SRL: variants seen among roughly 807,000 people sequenced by gnomAD.
SRL encodes the protein sarcalumenin.
In SRL, 23 loss-of-function variants were observed where a neutral mutation model predicts 39.5. The observed-to-expected ratio is 0.58, with a 90% CI of 0.42 to 0.82. The LOEUF is 0.82. SRL is among the 40% of genes least tolerant of loss of function. SRL has a pLI of 0.00. For synonymous variants in SRL, 272 were observed against 237.4 expected (o/e 1.15, Z -1.34); for missense variants, 592 against 607.8 (o/e 0.97, Z 0.27).
intron 1 of SRL, among the ~76,000 whole-genome samples, chr16:4,239,966 C>T (rs1043463593): frequency 6.6e-5 from 10 of 152,132 alleles, no homozygotes; most frequent in African/African-American, 2.4e-4. Context: ...CTGCTCCTTC[C>T]CCGTCCTGGC....
intron 4 of SRL, among the ~76,000 whole-genome samples, chr16:4,197,421 CTTTT>C (rs71139621): frequency 1.9e-5 from 2 of 107,564 alleles, no homozygotes; most frequent in Non-Finnish European, 3.5e-5. Context: ...CTTTTCTTTC[CTTTT>C]TTTTTTTTTT....
rs2052073098 is a variant in SRL, at chr16:4,192,100, CAGTT to C, written c.*49_*52del. On this transcript the variant is annotated 3_prime_UTR_variant, in exon 6 of 6. Coordinates refer to ENST00000399609, the MANE Select transcript of SRL (RefSeq NM_001098814.2). The surrounding 1 kb of genome is among the most constrained non-coding windows in gnomAD (Gnocchi z 4.0). ...GGTTAATAAACCAGGACCTCTCAGA[CAGTT>C]AGGACACAAGCTGATTCACCAACAG... 21 of 1,503,426 alleles carry C rather than the reference CAGTT, an allele frequency of 1.4e-5. No individual in the cohort carries two copies. The highest frequency in any genetic ancestry group is 1.9e-4 in the Middle Eastern group (1 of 5,308). The allele number at this position is 1,503,426 out of a possible 1,614,324, so 93.1% of individuals were successfully genotyped here.
intron 1 of SRL, among the ~76,000 whole-genome samples, chr16:4,213,484 A>G (rs2052420523): frequency 7.8e-6 from 1 of 128,268 alleles, no homozygotes; most frequent in East Asian, 2.2e-4. Flanking sequence ...ATGACACCTC[A>G]CTGCAGCCTC....
chr16:4,240,867 G>A (rs1374341088), intron 1 of SRL, among the ~76,000 whole-genome samples: 1 of 152,120 alleles, frequency 6.6e-6, no homozygotes, highest in Non-Finnish European at 1.5e-5. Context: ...CAGCACTCAA[G>A]CCGCTGCAGC....
chr16:4,219,431 C>G (rs915683291), intron 1 of SRL, among the ~76,000 whole-genome samples: 4 of 152,162 alleles, frequency 2.6e-5, no homozygotes, highest in Admixed American at 2.6e-4. Context: ...TCGGGGCAGC[C>G]ACAGTAGTGT....
intron 4 of SRL, among the ~76,000 whole-genome samples, chr16:4,196,730 C>T (rs533436714): frequency 9.9e-5 from 15 of 152,130 alleles, no homozygotes; most frequent in Admixed American, 6.6e-5. Flanking sequence ...CAACCCACCT[C>T]GGCCTCCCAA....
intron 5 of SRL, among the ~76,000 whole-genome samples, chr16:4,193,886 A>G (rs965338428): frequency 6.6e-6 from 1 of 150,554 alleles, no homozygotes; most frequent in African/African-American, 2.4e-5. Context: ...TAACATTATT[A>G]ACATTACTAA....
chr16:4,194,907 T>G (rs1003279267), intron 5 of SRL, among the ~76,000 whole-genome samples: 1 of 151,992 alleles, frequency 6.6e-6, no homozygotes, highest in Non-Finnish European at 1.5e-5. Flanking sequence ...TCCTTTTTTT[T>G]TTTCTGAGAC....
At chr16:4,207,961 G>A (rs1345709561) in intron 1 of SRL, 1 of 456,466 alleles carries the variant, frequency 2.2e-6, no homozygotes, top group African/African-American at 2.0e-5. Flanking sequence ...TCTGGGTAGT[G>A]AAGGAGCAGT....
rs577295106 is a variant in SRL at position 4,204,443 on chromosome 16, C to T, written c.163+90G>A. On this transcript the variant is annotated intron_variant, in intron 2 of 5. Coordinates refer to ENST00000399609, the MANE Select transcript of SRL (RefSeq NM_001098814.2). ...CGGCCTCCAAGATACAGCCCCGGCA[C>T]GCCCTGGCTCTCAGGAGCCTCCAGG... is the stretch of plus-strand genomic sequence containing the variant. The T allele has an allele frequency of 1.9e-4, 128 of 691,278 alleles. 1 individual carries two copies. The African/African-American group carries it at 2.1e-3, about 11-fold the overall frequency. The allele number at this position is 691,278 out of a possible 1,614,324, so 42.8% of individuals were successfully genotyped here.
intron 1 of SRL, among the ~76,000 whole-genome samples, chr16:4,219,263 G>T (rs529622618): frequency 5.9e-5 from 9 of 152,344 alleles, no homozygotes; most frequent in African/African-American, 1.9e-4. Context: ...TCCCATAGGG[G>T]GCCCAGACAA....
chr16:4,221,576 G>T (rs1303609248), intron 1 of SRL, among the ~76,000 whole-genome samples: 1 of 152,202 alleles, frequency 6.6e-6, no homozygotes, highest in Non-Finnish European at 1.5e-5. Context: ...TAGTGGGCCG[G>T]CCTGGCCAAA....
chr16:4,224,709 G>A (rs1425910469), intron 1 of SRL, among the ~76,000 whole-genome samples: 1 of 149,848 alleles, frequency 6.7e-6, no homozygotes, highest in African/African-American at 2.5e-5. Flanking sequence ...AACAGAGCAA[G>A]ACCCTATCTC....
chr16:4,224,574 G>C (rs1322682696), intron 1 of SRL, among the ~76,000 whole-genome samples: 1 of 152,092 alleles, frequency 6.6e-6, no homozygotes, highest in Non-Finnish European at 1.5e-5. Context: ...AAATTAGTGT[G>C]ATGGCTCACA....
intron 1 of SRL, among the ~76,000 whole-genome samples, chr16:4,211,162 T>TA (rs140526795): frequency 2.9e-4 from 43 of 145,994 alleles, no homozygotes; most frequent in East Asian, 6.0e-4. Flanking sequence ...GCATCATGAT[T>TA]AAAAAAAAAA....
At position 4,201,483 on chromosome 16, in the gene SRL, G is replaced by T. The variant is rs528523269; in HGVS notation, c.259+1683C>A. Among the ~76,000 whole-genome samples the T allele has an allele frequency of 1.4e-4, 21 of 146,074 alleles. 4 individuals carry two copies. Among genetic ancestry groups the T allele is most frequent in the African/African-American group, 3.5e-4 (13 of 37,484 alleles). On this transcript the variant is annotated intron_variant, in intron 3 of 5. Coordinates refer to ENST00000399609, the MANE Select transcript of SRL (RefSeq NM_001098814.2). ...GTAGAGGCAGGGTTCTGCCATGTTG[G>T]CCAGGCTGGTCTCAAACTCCTGGCC...
At chr16:4,230,367 A>C (rs2052645416) in intron 1 of SRL, among the ~76,000 whole-genome samples, 1 of 150,492 alleles carries the variant, frequency 6.6e-6, no homozygotes, top group Admixed American at 6.7e-5. Flanking sequence ...ATCCACCTAG[A>C]ACCTCAGAAT....
At chr16:4,241,309 C>G (rs952404950) in intron 1 of SRL, among the ~76,000 whole-genome samples, 21 of 152,180 alleles carry the variant, frequency 1.4e-4, no homozygotes, top group Non-Finnish European at 2.6e-4. Flanking sequence ...ACCCAAGCCA[C>G]CACCTCTGCT....
At chr16:4,239,129 G>A (rs1377670570) in intron 1 of SRL, among the ~76,000 whole-genome samples, 9 of 152,204 alleles carry the variant, frequency 5.9e-5, no homozygotes, top group Non-Finnish European at 1.3e-4. Flanking sequence ...CCCTGCCACA[G>A]CTAGGCTGCC....
Sources: allele counts gnomAD v4.1 joint callset (sites outside exome capture counted in the v4.1 genomes callset), GRCh38; gene constraint gnomAD v4.1.1; non-coding constraint Gnocchi (gnomAD v3.1); transcripts MANE v1.5; gene names NCBI Gene and HGNC (gene_info 2026-07-23, HGNC 2026-07-21).